Variants in RNFT2 observed in about 807,000 individuals in gnomAD.
The protein encoded by RNFT2 is ring finger protein, transmembrane 2.
A neutral mutation model predicts 53.0 loss-of-function variants in RNFT2; 36 were observed. That is an observed-to-expected ratio of 0.68 (90% CI 0.52 to 0.90). The LOEUF (loss-of-function observed/expected upper bound fraction) is 0.90, where lower values mean the gene tolerates loss of function less well. Ranked by LOEUF, RNFT2 falls within the 40% of genes least tolerant of loss-of-function variation. The pLI is 0.00. For missense variants in RNFT2, 514 were observed against 585.6 expected, an observed-to-expected ratio of 0.88 and a Z score of 1.26; for synonymous variants, 260 against 253.2, an observed-to-expected ratio of 1.03 and a Z score of -0.26.
intron 10 of RNFT2, among the ~76,000 whole-genome samples, chr12:116,848,028 G>A (rs1315164649): frequency 1.6e-4 from 24 of 151,914 alleles, no homozygotes; most frequent in Non-Finnish European, 1.0e-4. Flanking sequence ...GCCCCAGTAT[G>A]TTGTTCCCCT....
At chr12:116,787,902 G>T (rs1465843143) in intron 7 of RNFT2, among the ~76,000 whole-genome samples, 1 of 151,966 alleles carries the variant, frequency 6.6e-6, no homozygotes, top group Non-Finnish European at 1.5e-5. Flanking sequence ...GCTCCAGACA[G>T]ACAGACCCTA....
At chr12:116,772,006 T>C (rs1014991066) in intron 6 of RNFT2, among the ~76,000 whole-genome samples, 3 of 152,208 alleles carry the variant, frequency 2.0e-5, no homozygotes, top group Non-Finnish European at 2.9e-5. Flanking sequence ...CCGATGTTTT[T>C]TAATGAGTTT....
intron 8 of RNFT2, among the ~76,000 whole-genome samples, chr12:116,835,064 G>A (rs1460317457): frequency 6.6e-6 from 1 of 152,012 alleles, no homozygotes; most frequent in Non-Finnish European, 1.5e-5. Context: ...TGGCCAGGCT[G>A]GTCTCAAACT....
chr12:116,756,504 T>C (rs796752640), intron 5 of RNFT2, among the ~76,000 whole-genome samples: 42 of 152,258 alleles, frequency 2.8e-4, no homozygotes, highest in African/African-American at 8.4e-4. Flanking sequence ...GTATGTCCCT[T>C]GTATGCCATT....
intron 3 of RNFT2, among the ~76,000 whole-genome samples, chr12:116,744,164 T>C (rs1482859607): frequency 7.0e-6 from 1 of 143,584 alleles, no homozygotes; most frequent in Non-Finnish European, 1.5e-5. Context: ...AGGTGGAGGC[T>C]GCAACGAGCA....
intron 10 of RNFT2, among the ~76,000 whole-genome samples, chr12:116,843,349 T>C (rs1877448860): frequency 6.6e-6 from 1 of 151,498 alleles, no homozygotes; most frequent in Non-Finnish European, 1.5e-5. Context: ...AAAAATTAGC[T>C]GGGTGCCATG....
chr12:116,753,220 A>G (rs140867669), intron 4 of RNFT2, among the ~76,000 whole-genome samples: 2,711 of 131,202 alleles, frequency 0.021, 78 homozygotes, highest in African/African-American at 0.073. Context: ...GTGTGATCTC[A>G]ATTCACTGCA....
At chr12:116,843,577 A>G (rs1011806404) in intron 10 of RNFT2, among the ~76,000 whole-genome samples, 2 of 151,106 alleles carry the variant, frequency 1.3e-5, no homozygotes, top group Non-Finnish European at 2.9e-5. Flanking sequence ...ACTGCCCATC[A>G]ATCCACCCGA....
rs1326367339 is a variant in RNFT2, at chr12:116,850,413, C to T, written c.*965C>T. On this transcript the variant is annotated 3_prime_UTR_variant, in exon 11 of 11. Transcript: ENST00000257575. ...TCCTGGGCTCAAGCAATCCTCCTGT[C>T]CTGGCCTCGCAAAGTGCTGAGTGCT... 1 of 151,710 alleles carries T rather than the reference C, an allele frequency of 6.6e-6. No individual in the cohort carries two copies. The highest frequency in any genetic ancestry group is 1.5e-5 in the Non-Finnish European group (1 of 68,068). The allele number at this position is 151,710 out of a possible 1,614,324, so 9.4% of individuals were successfully genotyped here.
chr12:116,754,018 C>T lies in RNFT2; in HGVS notation c.585C>T (p.Phe195=), dbSNP rs1872377946. 4 of 1,613,786 alleles carry T rather than the reference C, an allele frequency of 2.5e-6. No homozygotes were observed. The highest frequency in any genetic ancestry group is 1.6e-4 in the Middle Eastern group (1 of 6,084). Residue 195 remains phenylalanine (F), a synonymous_variant, in exon 5 of 11, where the codon TTC becomes TTT. Transcript: ENST00000257575. ...IAVCIGMAST[F]AYANSTLREQ... ...TGTGCATCGGGATGGCCAGCACCTT[C>T]GCCTATGCCAACTCCACGCTTCGAG...
intron 7 of RNFT2, among the ~76,000 whole-genome samples, chr12:116,794,742 T>A (rs1239141302): frequency 6.7e-6 from 1 of 148,658 alleles, no homozygotes; most frequent in Non-Finnish European, 1.5e-5. Flanking sequence ...TAGCCCAAGA[T>A]CCCAGAGCTA....
Position 116,847,482 on chromosome 12 carries a change from C to G in RNFT2, c.1201-1832C>G, listed in dbSNP as rs1431121256. Reference sequence around the variant, plus strand: ...TTGTCCAAGTTATACAGCCAGAGAACGGTGGAACCCATTGGTCTTTCCAAT... The same window carrying G: ...TTGTCCAAGTTATACAGCCAGAGAAGGGTGGAACCCATTGGTCTTTCCAAT... On this transcript the variant is annotated intron_variant, in intron 10 of 10. Coordinates refer to ENST00000257575, the MANE Select transcript of RNFT2 (RefSeq NM_001382266.1). Among the ~76,000 whole-genome samples the G allele has an allele frequency of 2.6e-5, 4 of 151,710 alleles. No homozygotes were observed. The East Asian group carries it at 7.7e-4, about 29-fold the overall frequency.
rs185407185 is a variant in RNFT2, at chr12:116,748,104, C to T, written c.84-1737C>T. ...ACTCGGGAGGCTGAGGCAGGAGAAT[C>T]GCTTGAACCTGGGAGGCGGAGGTTG... On this transcript the variant is annotated intron_variant, in intron 3 of 10. Coordinates refer to ENST00000257575, the MANE Select transcript of RNFT2 (RefSeq NM_001382266.1). Among the ~76,000 whole-genome samples, 27 of 152,068 alleles carry T rather than the reference C, an allele frequency of 1.8e-4. No individual in the cohort carries two copies. In the East Asian group the frequency reaches 4.8e-3, roughly 27 times the overall value.
At chr12:116,792,423 G>A (rs1170624752) in intron 7 of RNFT2, among the ~76,000 whole-genome samples, 3 of 152,084 alleles carry the variant, frequency 2.0e-5, no homozygotes, top group African/African-American at 7.2e-5. Flanking sequence ...CCAAGTCCAG[G>A]CCAGAGCTAC....
At chr12:116,841,687 C>T (rs1180760141) in intron 10 of RNFT2, among the ~76,000 whole-genome samples, 1 of 143,820 alleles carries the variant, frequency 7.0e-6, no homozygotes, top group Non-Finnish European at 1.5e-5. Flanking sequence ...GGCAGAGGTT[C>T]CAGTGAGCCA....
chr12:116,824,418 A>G (rs1876215223), intron 7 of RNFT2, among the ~76,000 whole-genome samples: 1 of 152,160 alleles, frequency 6.6e-6, no homozygotes, highest in Admixed American at 6.6e-5. Flanking sequence ...CCAAAATAAT[A>G]AGACTTAAAT....
rs1431232990 is a variant in RNFT2, at chr12:116,841,760, AATATAAATATATAT to A, written c.1200+5510_1200+5523del. ...AAGATTCTGTCTCAAAAAATATATA[AATATAAATATATAT>A]ATATAAATATATATATATAAATATA... is the stretch of plus-strand genomic sequence containing the variant. On this transcript the variant is annotated intron_variant, in intron 10 of 10. Coordinates refer to ENST00000257575, the MANE Select transcript of RNFT2 (RefSeq NM_001382266.1). 5.1e-4 allele frequency among the ~76,000 whole-genome samples: 60 copies of A among 118,062 alleles called. 3 individuals carry two copies. The highest frequency in any genetic ancestry group is 1.7e-3 in the African/African-American group (53 of 30,906). 77.5% of individuals were successfully genotyped at this position (118,062 alleles called of 152,430 possible).
At chr12:116,846,688 A>G (rs1877634738) in intron 10 of RNFT2, among the ~76,000 whole-genome samples, 1 of 152,020 alleles carries the variant, frequency 6.6e-6, no homozygotes, top group Non-Finnish European at 1.5e-5. Flanking sequence ...AACCTGCAGG[A>G]AAGTTGCATG....
At chr12:116,845,114 C>T (rs1319487830) in intron 10 of RNFT2, among the ~76,000 whole-genome samples, 3 of 151,544 alleles carry the variant, frequency 2.0e-5, no homozygotes, top group African/African-American at 4.9e-5. Context: ...CATGGTGGCA[C>T]GTGCCTATAG....
Sources: allele counts gnomAD v4.1 joint callset (sites outside exome capture counted in the v4.1 genomes callset), GRCh38; gene constraint gnomAD v4.1.1; transcripts MANE v1.5; gene names NCBI Gene and HGNC (gene_info 2026-07-23, HGNC 2026-07-21).